Variants in CCDC97 observed in about 807,000 individuals in gnomAD.
The protein encoded by CCDC97 is coiled-coil domain containing 97, also known as coiled-coil domain-containing protein 97.
CCDC97 carries 27 observed loss-of-function variants against 33.9 expected under a neutral mutation model. The observed-to-expected ratio is 0.80, with a 90% CI of 0.59 to 1.10. CCDC97 has a LOEUF of 1.10. Among genes scored for constraint, CCDC97 ranks in the 50% least tolerant of loss-of-function variants. The probability of loss-of-function intolerance (pLI) is 0.00; values close to 1 mark genes in which losing one functional copy is unlikely to be tolerated. For synonymous variants in CCDC97, 217 were observed against 194.0 expected (o/e 1.12, Z -0.99); for missense variants, 422 against 476.6 (o/e 0.89, Z 1.07).
chr19:41,316,888 A>G (rs1213384094), intron 2 of CCDC97, 49 bp downstream of exon 2: 1 of 1,368,026 alleles, frequency 7.3e-7, no homozygotes, highest in East Asian at 2.3e-5. Context: ...GAGGGAGGGG[A>G]GACTGAGGCA....
In CCDC97 at chr19:41,324,249, C is replaced by G. The variant is rs916593940; in HGVS notation, c.*1534C>G. On this transcript the variant is annotated 3_prime_UTR_variant, in exon 5 of 5. Coordinates refer to ENST00000269967, the MANE Select transcript of CCDC97 (RefSeq NM_052848.3). ...CAGGCCCGAGCGAAGTGCCTGACAC[C>G]GGGTTGGATCCTCAGATGGCCCCAT... 1 of 152,218 alleles carries G rather than the reference C, an allele frequency of 6.6e-6. No homozygotes were observed. The allele number at this position is 152,218 out of a possible 1,614,324, so 9.4% of individuals were successfully genotyped here.
Position 41,324,253 on chromosome 19 carries a change from T to C in CCDC97, c.*1538T>C, listed in dbSNP as rs946799989. On this transcript the variant is annotated 3_prime_UTR_variant, in exon 5 of 5. Coordinates refer to ENST00000269967, the MANE Select transcript of CCDC97 (RefSeq NM_052848.3). ...CCCGAGCGAAGTGCCTGACACCGGG[T>C]TGGATCCTCAGATGGCCCCATGAAC... The C allele has an allele frequency of 6.6e-6, 1 of 152,160 alleles. No homozygotes were observed. The highest frequency in any genetic ancestry group is 6.5e-5 in the Admixed American group (1 of 15,286). The allele number at this position is 152,160 out of a possible 1,614,324, so 9.4% of individuals were successfully genotyped here.
intron 1 of CCDC97, among the ~76,000 whole-genome samples, chr19:41,314,679 C>T (rs528608664): frequency 6.6e-6 from 1 of 152,162 alleles, no homozygotes; most frequent in African/African-American, 2.4e-5. Context: ...ACTTTTTTGG[C>T]AAAGCCTTCT....
At position 41,310,226 on chromosome 19, in the gene CCDC97, T is replaced by G. The variant is rs2037663166; in HGVS notation, c.-85T>G. The G allele has an allele frequency of 6.5e-7, 1 of 1,536,400 alleles. No homozygotes were observed. On this transcript the variant is annotated 5_prime_UTR_variant, in exon 1 of 5. Transcript: ENST00000269967. ...CGGTGCACCCGGACCCGGAACATTCTCAGGCGAAAGTGTCTCTTGCGTGCG... is the reference window on the plus strand; with the variant it reads ...CGGTGCACCCGGACCCGGAACATTCGCAGGCGAAAGTGTCTCTTGCGTGCG...
rs530447966 is a variant in CCDC97, at chr19:41,313,688, T to A, written c.47-2696T>A. Among the ~76,000 whole-genome samples the A allele has an allele frequency of 3.3e-5, 5 of 152,230 alleles. No individual in the cohort carries two copies. In the East Asian group the frequency reaches 9.7e-4, roughly 29 times the overall value. The stretch of plus-strand genomic sequence containing the variant: ...AGTCTCACCAAGGTTTGCCCAGCGC[T>A]CCGCTTTCCTGTTTTCTTTCCATTT... On this transcript the variant is annotated intron_variant, in intron 1 of 4. Coordinates refer to ENST00000269967, the MANE Select transcript of CCDC97 (RefSeq NM_052848.3).
rs1449455925 is a variant in CCDC97 at position 41,322,692 on chromosome 19, A to G, written c.1009A>G (p.Ser337Gly). Residue 337 changes from serine (S) to glycine (G), a missense_variant, in exon 5 of 5, where the codon AGC (serine) becomes GGC (glycine). Transcript: ENST00000269967. ...FDEEEPEDAP[S>G]PELDGD ...TGAGGAAGAACCTGAGGATGCGCCC[A>G]GCCCAGAGCTGGATGGGGACTGATG... The G allele has an allele frequency of 1.2e-6, 2 of 1,613,798 alleles. No individual in the cohort carries two copies.
In CCDC97 at chr19:41,322,984, C is replaced by T; in HGVS notation, c.*269C>T. 3.4e-6 allele frequency: 1 copy of T among 295,412 alleles called. No individual in the cohort carries two copies. The highest frequency in any genetic ancestry group is 4.3e-5 in the South Asian group (1 of 23,418). 18.3% of individuals were successfully genotyped at this position (295,412 alleles called of 1,614,324 possible). ...CTTCTTTCTGTCTCTTTCTGTCTTT[C>T]TGTCTCTCTCCCTACCCCCGCTCCC... On this transcript the variant is annotated 3_prime_UTR_variant, in exon 5 of 5. Coordinates refer to ENST00000269967, the MANE Select transcript of CCDC97 (RefSeq NM_052848.3).
intron 4 of CCDC97, 173 bp downstream of exon 4, chr19:41,320,643 C>A: frequency 2.8e-6 from 2 of 724,922 alleles, no homozygotes; most frequent in Non-Finnish European, 4.5e-6. Flanking sequence ...TGACCTCGGA[C>A]TAGCCTTGTC....
chr19:41,312,880 A>G (rs2037703328), intron 1 of CCDC97, among the ~76,000 whole-genome samples: 1 of 152,028 alleles, frequency 6.6e-6, no homozygotes. Flanking sequence ...CCGGAGTTCA[A>G]ACAATTCTCC....
At position 41,310,297 on chromosome 19, in the gene CCDC97, C is replaced by T. The variant is rs61740091; in HGVS notation, c.-14C>T. 819 of 1,598,318 alleles carry T rather than the reference C, an allele frequency of 5.1e-4. 2 individuals are homozygous for T. In the Middle Eastern group the frequency reaches 0.012, roughly 24 times the overall value. On this transcript the variant is annotated 5_prime_UTR_variant, in exon 1 of 5. Coordinates refer to ENST00000269967, the MANE Select transcript of CCDC97 (RefSeq NM_052848.3). ...GGGGCCCGCCGGGCGGTTGAAAAGT[C>T]CGAGAGAATCAGGATGGAGGCCGTG... is the stretch of plus-strand genomic sequence containing the variant.
chr19:41,310,276 C>A lies in CCDC97; in HGVS notation c.-35C>A. 1 of 1,578,980 alleles carries A rather than the reference C, an allele frequency of 6.3e-7. No individual in the cohort carries two copies. The highest frequency in any genetic ancestry group is 8.6e-7 in the Non-Finnish European group (1 of 1,162,690). ...GTGGGCCGGAGGTTAGTGTGCGGGG[C>A]CCGCCGGGCGGTTGAAAAGTCCGAG... On this transcript the variant is annotated 5_prime_UTR_variant, in exon 1 of 5. Transcript: ENST00000269967.
Position 41,316,596 on chromosome 19 carries a change from T to C in CCDC97, c.259T>C (p.Leu87=), listed in dbSNP as rs2037749322. The change falls in exon 2 of 5, where the codon TTG becomes CTG. Residue 87 remains leucine (L), a synonymous_variant. Coordinates refer to ENST00000269967, the MANE Select transcript of CCDC97 (RefSeq NM_052848.3). ...VCSQQQGEPD[L]TEHEKVAILA... ...CAGCCAGCAGCAGGGTGAACCCGAC[T>C]TGACAGAGCATGAGAAAGTGGCCAT... 6.2e-7 allele frequency: 1 copy of C among 1,614,230 alleles called. No individual in the cohort carries two copies. Among genetic ancestry groups the C allele is most frequent in the South Asian group, 1.1e-5 (1 of 91,088 alleles).
rs550938657 is a variant in CCDC97 at position 41,321,635 on chromosome 19, T to C, written c.912-960T>C. Among the ~76,000 whole-genome samples, 15 of 151,894 alleles carry C rather than the reference T, an allele frequency of 9.9e-5. No individual in the cohort carries two copies. In the South Asian group the frequency reaches 2.9e-3, roughly 30 times the overall value. Reference sequence around the variant, plus strand: ...GGGGCCATGAGGAAAAGTGAAGCAGTGGGAGGGGAGTGACAGGGTGGCTAG... The same window carrying C: ...GGGGCCATGAGGAAAAGTGAAGCAGCGGGAGGGGAGTGACAGGGTGGCTAG... On this transcript the variant is annotated intron_variant, in intron 4 of 4. Transcript: ENST00000269967.
Position 41,316,839 on chromosome 19 carries a change from G to A in CCDC97, c.502G>A (p.Gly168Arg), listed in dbSNP as rs774971780. Residue 168 changes from glycine (G) to arginine (R), a missense_variant and splice_region_variant, in exon 2 of 5, where the codon GGG becomes AGG. Coordinates refer to ENST00000269967, the MANE Select transcript of CCDC97 (RefSeq NM_052848.3). ...RYAALRELIQ[G>R]GEYFSDEQMR... ...TGCTGCCCTGCGAGAGCTGATCCAA[G>A]GTGTGGGGGCCAGATGGGCGACAGT... 10 of 1,579,942 alleles carry A rather than the reference G, an allele frequency of 6.3e-6. No individual in the cohort carries two copies. In the Admixed American group the frequency reaches 1.2e-4, roughly 19 times the overall value.
chr19:41,319,456 TAC>T lies in CCDC97; in HGVS notation c.503-111_503-110del, dbSNP rs1335515449. ...TTTCCTGTGTTTTTGAATGTGTGCA[TAC>T]ACACACTTGGACTGTGTATGCACAT... On this transcript the variant is annotated intron_variant, in intron 2 of 4. Transcript: ENST00000269967. The T allele has an allele frequency of 7.9e-6, 6 of 763,036 alleles. No individual in the cohort carries two copies. The South Asian group carries it at 1.1e-4, about 14-fold the overall frequency. 47.3% of individuals were successfully genotyped at this position (763,036 alleles called of 1,614,324 possible).
chr19:41,319,470 C>T, intron 2 of CCDC97, 104 bp from the exon 3 acceptor site: 1 of 833,294 alleles, frequency 1.2e-6, no homozygotes, highest in Non-Finnish European at 1.9e-6. Flanking sequence ...CACACTTGGA[C>T]TGTGTATGCA....
At chr19:41,318,562 G>A (rs1865052) in intron 2 of CCDC97, among the ~76,000 whole-genome samples, 32,138 of 152,170 alleles carry the variant, frequency 0.21, 3,713 homozygotes, top group East Asian at 0.35. Context: ...CTATGGTGCT[G>A]CAGAGGCCAG....
chr19:41,321,240 TGAATG>T (rs2037821882), intron 4 of CCDC97, among the ~76,000 whole-genome samples: 1 of 152,226 alleles, frequency 6.6e-6, no homozygotes, highest in African/African-American at 2.4e-5. Flanking sequence ...CCCTGGCTCT[TGAATG>T]GAATCTGGCT....
rs529632469 is a variant in CCDC97 at position 41,312,352 on chromosome 19, T to C, written c.46+1996T>C. On this transcript the variant is annotated intron_variant, in intron 1 of 4. Coordinates refer to ENST00000269967, the MANE Select transcript of CCDC97 (RefSeq NM_052848.3). Reference sequence around the variant, plus strand: ...CTCCTGCCTCAGCCTCCCATAGTGCTGGGATTACAGGTGTGAGCCACCACA... The same window carrying C: ...CTCCTGCCTCAGCCTCCCATAGTGCCGGGATTACAGGTGTGAGCCACCACA... Among the ~76,000 whole-genome samples, 3 of 152,356 alleles carry C rather than the reference T, an allele frequency of 2.0e-5. No individual in the cohort carries two copies. In the South Asian group the frequency reaches 6.2e-4, roughly 32 times the overall value.
Sources: allele counts gnomAD v4.1 joint callset (sites outside exome capture counted in the v4.1 genomes callset), GRCh38; gene constraint gnomAD v4.1.1; transcripts MANE v1.5; gene names NCBI Gene and HGNC (gene_info 2026-07-23, HGNC 2026-07-21).